RASAL2: variants seen among roughly 807,000 people sequenced by gnomAD.
The protein encoded by RASAL2 is ras GTPase-activating protein nGAP.
Under a neutral mutation model 128.9 loss-of-function variants are expected in RASAL2, and 58 were observed. The ratio of observed to expected loss-of-function variants is 0.45; its 90% CI spans 0.36 to 0.56. RASAL2 has a LOEUF of 0.56. Ranked by LOEUF, RASAL2 falls within the 20% of genes least tolerant of loss-of-function variation. The pLI, the probability that RASAL2 is intolerant of heterozygous loss-of-function variation, is 0.00. For missense variants in RASAL2, 1,360 were observed against 1,601.6 expected, an observed-to-expected ratio of 0.85 and a Z score of 2.57; for synonymous variants, 561 against 580.8, an observed-to-expected ratio of 0.97 and a Z score of 0.49.
intron 1 of RASAL2, among the ~76,000 whole-genome samples, chr1:178,147,117 G>A (rs887926382): frequency 2.0e-5 from 3 of 151,622 alleles, no homozygotes; most frequent in South Asian, 2.1e-4. Context: ...GTAGATAATC[G>A]TTTTATTTTG....
At chr1:178,461,039 C>T (rs995705463) in intron 14 of RASAL2, among the ~76,000 whole-genome samples, 9 of 152,022 alleles carry the variant, frequency 5.9e-5, no homozygotes, top group Admixed American at 4.6e-4. Flanking sequence ...GTCTTGAACT[C>T]CTGACCTCAA....
intron 5 of RASAL2, among the ~76,000 whole-genome samples, chr1:178,438,470 T>G (rs984862528): frequency 6.6e-6 from 1 of 151,920 alleles, no homozygotes; most frequent in Non-Finnish European, 1.5e-5. Context: ...ACTCTGGGTG[T>G]TTACTTCAAT....
At chr1:178,273,511 G>C (rs1195788688) in intron 1 of RASAL2, among the ~76,000 whole-genome samples, 1 of 152,132 alleles carries the variant, frequency 6.6e-6, no homozygotes, top group Admixed American at 6.5e-5. Flanking sequence ...CCCACTAACA[G>C]GTTCACCAAA....
chr1:178,389,646 C>CTTA (rs1672778238), intron 3 of RASAL2, among the ~76,000 whole-genome samples: 1 of 152,282 alleles, frequency 6.6e-6, no homozygotes, highest in South Asian at 2.1e-4. Flanking sequence ...GGTGAATCAT[C>CTTA]TTATCTGCAC....
intron 3 of RASAL2, among the ~76,000 whole-genome samples, chr1:178,365,822 A>G (rs963805717): frequency 6.6e-6 from 1 of 152,150 alleles, no homozygotes; most frequent in African/African-American, 2.4e-5. Context: ...CTTTATCACA[A>G]TAGTGTATTG....
At chr1:178,287,982 A>G (rs1355107220) in intron 2 of RASAL2, among the ~76,000 whole-genome samples, 1 of 152,230 alleles carries the variant, frequency 6.6e-6, no homozygotes, top group Non-Finnish European at 1.5e-5. Flanking sequence ...ACCTATTGAA[A>G]TAATAATTAA....
chr1:178,155,409 GT>G (rs34963730), intron 1 of RASAL2, among the ~76,000 whole-genome samples: 56 of 128,616 alleles, frequency 4.4e-4, no homozygotes, highest in East Asian at 2.5e-3. Context: ...TTTTTAGAAA[GT>G]TTTTTTTTTT....
intron 3 of RASAL2, among the ~76,000 whole-genome samples, chr1:178,339,302 G>T (rs1186236188): frequency 6.6e-6 from 1 of 152,182 alleles, no homozygotes; most frequent in Non-Finnish European, 1.5e-5. Flanking sequence ...AATAGAAGTT[G>T]CTTCTAAGAG....
chr1:178,360,455 C>T (rs772209268), intron 3 of RASAL2, among the ~76,000 whole-genome samples: 4 of 152,160 alleles, frequency 2.6e-5, no homozygotes, highest in African/African-American at 4.8e-5. Flanking sequence ...TTCAGAGGGG[C>T]CCATAGGAAG....
chr1:178,188,859 CT>C (rs1228169125), intron 1 of RASAL2, among the ~76,000 whole-genome samples: 1 of 151,980 alleles, frequency 6.6e-6, no homozygotes, highest in African/African-American at 2.4e-5. Flanking sequence ...CTAAAAGTAC[CT>C]AATTTCTAAA....
intron 4 of RASAL2, among the ~76,000 whole-genome samples, chr1:178,398,505 T>C (rs565745976): frequency 2.5e-3 from 379 of 152,322 alleles, no homozygotes; most frequent in Middle Eastern, 6.8e-3. Flanking sequence ...TGAGATTTCA[T>C]ATTAGAGGAG....
At chr1:178,404,457 T>C (rs911436677) in intron 4 of RASAL2, among the ~76,000 whole-genome samples, 3 of 151,408 alleles carry the variant, frequency 2.0e-5, no homozygotes, top group Non-Finnish European at 4.4e-5. Context: ...CTCTGCTCAC[T>C]GCAACTTCTG....
intron 5 of RASAL2, among the ~76,000 whole-genome samples, chr1:178,433,318 C>T (rs978346908): frequency 6.6e-6 from 1 of 152,110 alleles, no homozygotes; most frequent in Non-Finnish European, 1.5e-5. Context: ...ACCACCCCCA[C>T]CTTAAAATCC....
chr1:178,260,085 G>T (rs1158969885), intron 1 of RASAL2, among the ~76,000 whole-genome samples: 1 of 151,430 alleles, frequency 6.6e-6, no homozygotes, highest in Non-Finnish European at 1.5e-5. Context: ...AGGCGCGTTG[G>T]CTCACGCCTG....
chr1:178,385,513 G>A (rs530483942), intron 3 of RASAL2, among the ~76,000 whole-genome samples: 2 of 152,122 alleles, frequency 1.3e-5, no homozygotes, highest in South Asian at 2.1e-4. Context: ...TTTTGGTGAC[G>A]CATGTCTGAC....
At chr1:178,175,730 A>C (rs1415590692) in intron 1 of RASAL2, among the ~76,000 whole-genome samples, 1 of 151,484 alleles carries the variant, frequency 6.6e-6, no homozygotes, top group Non-Finnish European at 1.5e-5. Context: ...AAAGTCCATT[A>C]TATATCACTG....
At chr1:178,175,853 C>T (rs1661868319) in intron 1 of RASAL2, among the ~76,000 whole-genome samples, 1 of 152,066 alleles carries the variant, frequency 6.6e-6, no homozygotes. Context: ...CCAGTTTCAT[C>T]CAAGTTGTTG....
At chr1:178,400,843 C>T (rs1183642308) in intron 4 of RASAL2, among the ~76,000 whole-genome samples, 1 of 152,114 alleles carries the variant, frequency 6.6e-6, no homozygotes, top group African/African-American at 2.4e-5. Flanking sequence ...CTCTGCCTCC[C>T]ATGTTCAAGT....
At chr1:178,327,495 A>G (rs1669092083) in intron 3 of RASAL2, among the ~76,000 whole-genome samples, 1 of 151,974 alleles carries the variant, frequency 6.6e-6, no homozygotes, top group African/African-American at 2.4e-5. Context: ...ACAGGCACAT[A>G]CCATCACACC....
Sources: gnomAD v4.1 joint callset for allele counts (sites outside exome capture counted in the v4.1 genomes callset) on GRCh38, gnomAD v4.1.1 for gene constraint, MANE v1.5 for transcripts, NCBI Gene and HGNC (gene_info 2026-07-23, HGNC 2026-07-21) for gene names.